The following SIPA1L1 variants were observed in gnomAD, a reference collection of about 807,000 sequenced individuals.
SIPA1L1 encodes signal-induced proliferation-associated 1-like protein 1.
Under a neutral mutation model 162.7 loss-of-function variants are expected in SIPA1L1, and 26 were observed. That is an observed-to-expected ratio of 0.16 (90% CI 0.12 to 0.22). The LOEUF (loss-of-function observed/expected upper bound fraction) is 0.22. Among genes scored for constraint, SIPA1L1 ranks in the 10% least tolerant of loss-of-function variants. SIPA1L1 has a pLI of 1.00. For synonymous variants in SIPA1L1, 829 were observed against 837.4 expected, an observed-to-expected ratio of 0.99 and a Z score of 0.17; for missense variants, 1,874 against 2,241.0, an observed-to-expected ratio of 0.84 and a Z score of 3.31.
chr14:71,581,835 T>C (rs1411743519), intron 4 of SIPA1L1, among the ~76,000 whole-genome samples: 1 of 152,188 alleles, frequency 6.6e-6, no homozygotes, highest in East Asian at 1.9e-4. Context: ...AAACACTATT[T>C]TCCTCTAATA....
chr14:71,529,966 C>T (rs529928358), intron 4 of SIPA1L1, among the ~76,000 whole-genome samples: 2 of 152,298 alleles, frequency 1.3e-5, no homozygotes, highest in East Asian at 1.9e-4. Context: ...TTGTGGCTTC[C>T]GGACTGAGTG....
intron 4 of SIPA1L1, among the ~76,000 whole-genome samples, chr14:71,585,591 C>T (rs1567245903): frequency 6.6e-6 from 1 of 152,128 alleles, no homozygotes; most frequent in Admixed American, 6.5e-5. Flanking sequence ...GGAAAGACAG[C>T]TGTGCAGTAA....
At position 71,588,195 on chromosome 14, in the gene SIPA1L1, G is replaced by T; in HGVS notation, c.323G>T (p.Ser108Ile). 6.2e-7 allele frequency: 1 copy of T among 1,614,156 alleles called. No individual in the cohort carries two copies. Among genetic ancestry groups the T allele is most frequent in the Non-Finnish European group, 8.5e-7 (1 of 1,179,994 alleles). The change falls in exon 5 of 24, where the codon AGC (serine) becomes ATC (isoleucine). Residue 108 changes from serine (S) to isoleucine (I), a missense_variant. Ser to Ile is a moderately radical substitution (Grantham distance 142, BLOSUM62 -2). Coordinates refer to ENST00000381232, the MANE Select transcript of SIPA1L1 (RefSeq NM_001386936.1). The surrounding 1 kb of genome is among the most constrained non-coding windows in gnomAD (Gnocchi z 4.3). ...QEIETSSCLD[S>I]LSSKSSPVSQ... Reference sequence around the variant, plus strand: ...ATAGAAACCTCAAGTTGCCTTGATAGCCTGTCCTCCAAAAGCAGTCCTGTG... The same window carrying T: ...ATAGAAACCTCAAGTTGCCTTGATATCCTGTCCTCCAAAAGCAGTCCTGTG...
intron 17 of SIPA1L1, among the ~76,000 whole-genome samples, chr14:71,723,005 G>C (rs974120105): frequency 1.3e-5 from 2 of 152,210 alleles, no homozygotes; most frequent in African/African-American, 4.8e-5. Context: ...CAAAGTGCTG[G>C]GATTACAGGC....
chr14:71,409,220 C>T (rs968834915), intron 2 of SIPA1L1, among the ~76,000 whole-genome samples: 2 of 152,172 alleles, frequency 1.3e-5, no homozygotes, highest in Non-Finnish European at 2.9e-5. Flanking sequence ...GGTGCCTCAT[C>T]GGAACCAGGT....
chr14:71,439,100 C>CCTCCTGTCA (rs1467525178), intron 2 of SIPA1L1, among the ~76,000 whole-genome samples: 29 of 152,276 alleles, frequency 1.9e-4, no homozygotes, highest in Non-Finnish European at 2.8e-4. Context: ...TGTCATCACT[C>CCTCCTGTCA]TAACCCAGGA....
chr14:71,705,055 G>T, intron 15 of SIPA1L1, 167 bp from the exon 16 acceptor site: 1 of 631,920 alleles, frequency 1.6e-6, no homozygotes, highest in Non-Finnish European at 2.8e-6. Context: ...AGCCACTTAA[G>T]TTTCTGACCT....
At chr14:71,589,626 G>A (rs1326888638) in intron 5 of SIPA1L1, among the ~76,000 whole-genome samples, 1 of 152,072 alleles carries the variant, frequency 6.6e-6, no homozygotes, top group African/African-American at 2.4e-5. Context: ...TTGACTTAGC[G>A]ATTGAAATTA....
At chr14:71,384,928 G>T (rs2040200560) in intron 2 of SIPA1L1, among the ~76,000 whole-genome samples, 1 of 152,146 alleles carries the variant, frequency 6.6e-6, no homozygotes, top group Admixed American at 6.5e-5. Flanking sequence ...AAGCACTCTG[G>T]CTGTGATGTG....
At chr14:71,352,755 A>G (rs2036843870) in intron 2 of SIPA1L1, among the ~76,000 whole-genome samples, 1 of 152,240 alleles carries the variant, frequency 6.6e-6, no homozygotes, top group South Asian at 2.1e-4. Context: ...ATATGTGTAC[A>G]TTCACTTTGG....
intron 8 of SIPA1L1, among the ~76,000 whole-genome samples, chr14:71,653,592 G>A (rs560630944): frequency 5.3e-5 from 8 of 152,172 alleles, no homozygotes; most frequent in African/African-American, 1.9e-4. Flanking sequence ...GGGGTCATAG[G>A]GCTCATCTTC....
intron 4 of SIPA1L1, among the ~76,000 whole-genome samples, chr14:71,583,698 T>G (rs1032351678): frequency 2.6e-5 from 4 of 152,144 alleles, no homozygotes; most frequent in Non-Finnish European, 5.9e-5. Context: ...GAAAAAAAAT[T>G]TTTTTCATTA....
intron 2 of SIPA1L1, among the ~76,000 whole-genome samples, chr14:71,339,198 C>T (rs1437746534): frequency 6.6e-6 from 1 of 152,074 alleles, no homozygotes; most frequent in African/African-American, 2.4e-5. Context: ...GGATAGAGAC[C>T]ATTTCTCTTT....
At chr14:71,462,226 C>T (rs965982914) in intron 2 of SIPA1L1, among the ~76,000 whole-genome samples, 8 of 152,190 alleles carry the variant, frequency 5.3e-5, no homozygotes, top group Admixed American at 2.6e-4. Context: ...TAGTTACCTG[C>T]AGAAGGCGGC....
chr14:71,329,150 C>G (rs939036439), intron 2 of SIPA1L1, among the ~76,000 whole-genome samples: 1 of 152,046 alleles, frequency 6.6e-6, no homozygotes, highest in African/African-American at 2.4e-5. Flanking sequence ...ATGGGTATAC[C>G]ACATTTTGTT....
intron 2 of SIPA1L1, among the ~76,000 whole-genome samples, chr14:71,509,135 T>C (rs2144201504): frequency 6.6e-6 from 1 of 152,310 alleles, no homozygotes; most frequent in African/African-American, 2.4e-5. Flanking sequence ...CTTGGCCCTA[T>C]GGGGTTTGTC....
At chr14:71,733,401 T>G (rs568349919) in intron 20 of SIPA1L1, among the ~76,000 whole-genome samples, 1 of 152,256 alleles carries the variant, frequency 6.6e-6, no homozygotes, top group South Asian at 2.1e-4. Context: ...AAAAGCAGAC[T>G]TAGTGCCTCC....
chr14:71,364,907 A>T (rs532041503), intron 2 of SIPA1L1, among the ~76,000 whole-genome samples: 1 of 151,956 alleles, frequency 6.6e-6, no homozygotes, highest in Non-Finnish European at 1.5e-5. Flanking sequence ...CACCACACCC[A>T]GCTAATTTTT....
At chr14:71,525,434 C>T (rs565558760) in intron 3 of SIPA1L1, among the ~76,000 whole-genome samples, 5 of 152,268 alleles carry the variant, frequency 3.3e-5, no homozygotes, top group African/African-American at 9.6e-5. Context: ...CCACCCGCCT[C>T]GGCCTCCCAA....
Sources: allele counts gnomAD v4.1 joint callset (sites outside exome capture counted in the v4.1 genomes callset), GRCh38; gene constraint gnomAD v4.1.1; non-coding constraint Gnocchi (gnomAD v3.1); transcripts MANE v1.5; gene names NCBI Gene and HGNC (gene_info 2026-07-23, HGNC 2026-07-21).